The following PCDH15 variants were observed in gnomAD, a reference collection of about 807,000 sequenced individuals.
The protein encoded by PCDH15 is protocadherin related 15, also known as protocadherin-15.
PCDH15 carries 129 observed loss-of-function variants against 178.5 expected under a neutral mutation model. That is an observed-to-expected ratio of 0.72 (90% confidence interval 0.63 to 0.84). The LOEUF (loss-of-function observed/expected upper bound fraction) is 0.84, where lower values mean the gene tolerates loss of function less well. Ranked by LOEUF, PCDH15 falls within the 40% of genes least tolerant of loss-of-function variation. PCDH15 has a pLI of 0.00. For missense variants in PCDH15, 2,230 were observed against 2,099.9 expected (o/e 1.06, Z -1.21); for synonymous variants, 800 against 732.0 (o/e 1.09, Z -1.50).
chr10:55,520,324 G>A (rs35795633), intron 2 of PCDH15, among the ~76,000 whole-genome samples: 1,072 of 28,108 alleles, frequency 0.038, 221 homozygotes, highest in African/African-American at 0.11. Flanking sequence ...TACATGCAAT[G>A]TGTATATATA....
chr10:55,222,694 T>A (rs946630404), intron 1 of PCDH15, among the ~76,000 whole-genome samples: 1 of 135,706 alleles, frequency 7.4e-6, no homozygotes, highest in African/African-American at 2.9e-5. Context: ...CAAGTAATGA[T>A]AATTTTATAT....
intron 2 of PCDH15, among the ~76,000 whole-genome samples, chr10:54,605,094 G>A (rs930201682): frequency 1.1e-4 from 17 of 151,506 alleles, no homozygotes; most frequent in African/African-American, 3.6e-4. Flanking sequence ...CTTAACATGT[G>A]TATCTATTAA....
At chr10:54,706,652 C>T (rs776874054) in intron 1 of PCDH15, among the ~76,000 whole-genome samples, 10 of 152,172 alleles carry the variant, frequency 6.6e-5, no homozygotes, top group Non-Finnish European at 8.8e-5. Context: ...AATACGGTGT[C>T]TCGCTCTGTT....
At chr10:53,928,260 T>G (rs1470649821) in intron 25 of PCDH15, among the ~76,000 whole-genome samples, 1 of 151,918 alleles carries the variant, frequency 6.6e-6, no homozygotes, top group East Asian at 1.9e-4. Flanking sequence ...ATGAGAAGCT[T>G]TTTTTTTCTT....
chr10:54,074,791 AC>A (rs1207500265), intron 17 of PCDH15, among the ~76,000 whole-genome samples: 5 of 152,102 alleles, frequency 3.3e-5, no homozygotes, highest in Non-Finnish European at 7.4e-5. Flanking sequence ...CAGTGGTTGT[AC>A]CATTTTACAT....
At chr10:54,034,289 GT>G (rs2093366809) in intron 18 of PCDH15, among the ~76,000 whole-genome samples, 1 of 151,974 alleles carries the variant, frequency 6.6e-6, no homozygotes, top group South Asian at 2.1e-4. Flanking sequence ...AATTAAAGGT[GT>G]TTTTCTCTAT....
chr10:54,323,218 T>C (rs567728181), intron 7 of PCDH15, among the ~76,000 whole-genome samples: 1 of 152,198 alleles, frequency 6.6e-6, no homozygotes, highest in South Asian at 2.1e-4. Context: ...AAATTACATA[T>C]ACTGGTGAGG....
chr10:54,246,372 ATT>A (rs957509638), intron 8 of PCDH15, among the ~76,000 whole-genome samples: 2 of 151,882 alleles, frequency 1.3e-5, no homozygotes, highest in African/African-American at 4.8e-5. Flanking sequence ...AATATGAAAG[ATT>A]TGTTTTACCT....
intron 28 of PCDH15, among the ~76,000 whole-genome samples, chr10:53,841,426 A>G (rs1349598289): frequency 1.3e-5 from 2 of 152,192 alleles, no homozygotes; most frequent in Non-Finnish European, 2.9e-5. Flanking sequence ...CCTTTGATAC[A>G]TCAGAAAATA....
chr10:54,156,699 C>G (rs1261459211), intron 13 of PCDH15, among the ~76,000 whole-genome samples: 1 of 152,184 alleles, frequency 6.6e-6, no homozygotes, highest in Non-Finnish European at 1.5e-5. Flanking sequence ...AACAGTCTTC[C>G]AAAGTCTTAA....
At chr10:55,163,510 T>C (rs943349874) in intron 2 of PCDH15, among the ~76,000 whole-genome samples, 6 of 152,134 alleles carry the variant, frequency 3.9e-5, no homozygotes, top group Non-Finnish European at 8.8e-5. Context: ...CTAAGACCTA[T>C]TGGGCTGCAT....
At chr10:55,380,719 C>T (rs1289482726) in intron 2 of PCDH15, among the ~76,000 whole-genome samples, 1 of 152,122 alleles carries the variant, frequency 6.6e-6, no homozygotes, top group Admixed American at 6.6e-5. Context: ...AGAATGCAAA[C>T]ATGATGCTCA....
At chr10:54,186,858 C>A (rs2048521029) in intron 11 of PCDH15, among the ~76,000 whole-genome samples, 2 of 151,814 alleles carry the variant, frequency 1.3e-5, no homozygotes, top group African/African-American at 4.8e-5. Context: ...TTTTAAAAGT[C>A]AATTAGAAAA....
At chr10:54,614,299 C>T (rs1211212472) in intron 2 of PCDH15, among the ~76,000 whole-genome samples, 1 of 151,946 alleles carries the variant, frequency 6.6e-6, no homozygotes, top group Non-Finnish European at 1.5e-5. Context: ...AAGCATTTCA[C>T]AACTTCCTGC....
At chr10:55,202,449 G>C (rs535301246) in intron 1 of PCDH15, among the ~76,000 whole-genome samples, 1 of 152,018 alleles carries the variant, frequency 6.6e-6, no homozygotes, top group African/African-American at 2.4e-5. Context: ...CAGTTACAAG[G>C]TATGTGCCTT....
chr10:55,546,727 T>C (rs577448456), intron 2 of PCDH15, among the ~76,000 whole-genome samples: 1 of 152,160 alleles, frequency 6.6e-6, no homozygotes, highest in African/African-American at 2.4e-5. Flanking sequence ...TTCAATTATT[T>C]GTCTATTTTT....
rs1268037279 is a variant in PCDH15 at position 54,369,421 on chromosome 10, G to A, written c.319-146C>T. The A allele has an allele frequency of 6.5e-6, 5 of 766,818 alleles. No individual in the cohort carries two copies. The African/African-American group carries it at 7.1e-5, about 11-fold the overall frequency. The allele number at this position is 766,818 out of a possible 1,614,324, so 47.5% of individuals were successfully genotyped here. A position where few individuals can be genotyped will look rare whatever the true frequency, so the allele number is the denominator to read the frequency against. On this transcript the variant is annotated intron_variant, in intron 4 of 37. Transcript: ENST00000644397. ...TCTCAAAGAAAATGATCATTTTAAG[G>A]ACAAGAGAAGACAATCATAATTAAT...
At chr10:55,609,646 T>C (rs990521058) in intron 2 of PCDH15, among the ~76,000 whole-genome samples, 2 of 152,084 alleles carry the variant, frequency 1.3e-5, no homozygotes, top group African/African-American at 4.8e-5. Flanking sequence ...ACATAGTATA[T>C]GCAAGAATAA....
chr10:54,640,160 A>T (rs2093957421), intron 2 of PCDH15, among the ~76,000 whole-genome samples: 1 of 152,188 alleles, frequency 6.6e-6, no homozygotes, highest in South Asian at 2.1e-4. Context: ...TTTATAGTTA[A>T]TGTTGCTTCC....
Sources: gnomAD v4.1 joint callset for allele counts (sites outside exome capture counted in the v4.1 genomes callset) on GRCh38, gnomAD v4.1.1 for gene constraint, MANE v1.5 for transcripts, NCBI Gene and HGNC (gene_info 2026-07-23, HGNC 2026-07-21) for gene names.